Variants in GLIS3 observed in about 807,000 individuals in gnomAD.
GLIS3 encodes the protein zinc finger protein GLIS3.
Under a neutral mutation model 78.6 loss-of-function variants are expected in GLIS3, and 53 were observed. The observed-to-expected ratio is 0.67, with a 90% CI of 0.54 to 0.85. The LOEUF (loss-of-function observed/expected upper bound fraction) is 0.85, where lower values mean the gene tolerates loss of function less well. Ranked by LOEUF, GLIS3 falls within the 40% of genes least tolerant of loss-of-function variation. The pLI, the probability that GLIS3 is intolerant of heterozygous loss-of-function variation, is 0.00. For synonymous variants in GLIS3, 684 were observed against 509.9 expected (o/e 1.34, Z -4.60); for missense variants, 1,703 against 1,231.1 (o/e 1.38, Z -5.74).
At chr9:3,992,405 T>G (rs1820388510) in intron 4 of GLIS3, among the ~76,000 whole-genome samples, 2 of 152,230 alleles carry the variant, frequency 1.3e-5, no homozygotes, top group South Asian at 4.1e-4. Context: ...AGAAATGTGT[T>G]TCCTTGTTAA....
intron 4 of GLIS3, among the ~76,000 whole-genome samples, chr9:4,063,934 G>A (rs10125955): frequency 0.051 from 7,746 of 152,128 alleles, 523 homozygotes; most frequent in East Asian, 0.23. Flanking sequence ...AAGTAAAGAA[G>A]AACAGATCAC....
At chr9:4,144,996 T>C (rs10814853) in intron 2 of GLIS3, 97,363 of 152,184 alleles carry the variant, frequency 0.64, 31,516 homozygotes, top group South Asian at 0.73. Context: ...AGTGTCCTTT[T>C]GTTTTTAACA....
upstream of GLIS3, among the ~76,000 whole-genome samples, chr9:4,304,790 G>C (rs184462709): frequency 6.6e-5 from 10 of 152,300 alleles, no homozygotes; most frequent in East Asian, 1.9e-3. Flanking sequence ...AAATATACCT[G>C]CAAAGGGGTT....
chr9:4,053,991 A>C (rs866317212), intron 4 of GLIS3, among the ~76,000 whole-genome samples: 1 of 152,274 alleles, frequency 6.6e-6, no homozygotes, highest in African/African-American at 2.4e-5. Context: ...CTTCAAGGTC[A>C]AAACAAAAAG....
At chr9:4,436,834 A>AAAG in the GLIS3 span, among the ~76,000 whole-genome samples, 1 of 151,116 alleles carries the variant, frequency 6.6e-6, no homozygotes, top group African/African-American at 2.4e-5. Flanking sequence ...AAAAAAAAAA[A>AAAG]AAGAGATAGA....
At chr9:4,078,901 T>G (rs1159367166) in intron 4 of GLIS3, among the ~76,000 whole-genome samples, 1 of 151,958 alleles carries the variant, frequency 6.6e-6, no homozygotes, top group Non-Finnish European at 1.5e-5. Flanking sequence ...CTCCCCTCTG[T>G]CCCCCGCCCC....
the GLIS3 span, among the ~76,000 whole-genome samples, chr9:4,368,761 GATAGTAGC>G: frequency 6.6e-6 from 1 of 152,178 alleles, no homozygotes. Context: ...AGAAGAGGAG[GATAGTAGC>G]ATGCACTGGA....
At chr9:4,050,571 A>G (rs913040233) in intron 4 of GLIS3, among the ~76,000 whole-genome samples, 1 of 152,194 alleles carries the variant, frequency 6.6e-6, no homozygotes, top group Non-Finnish European at 1.5e-5. Context: ...GCTTGTGCAC[A>G]TGTACTCTAG....
the GLIS3 span, among the ~76,000 whole-genome samples, chr9:4,355,082 G>T: frequency 6.7e-6 from 1 of 148,528 alleles, no homozygotes; most frequent in African/African-American, 2.5e-5. Flanking sequence ...AGTGAGCCGA[G>T]ATCACACCAC....
chr9:4,358,664 G>A, the GLIS3 span, among the ~76,000 whole-genome samples: 1 of 152,064 alleles, frequency 6.6e-6, no homozygotes, highest in Non-Finnish European at 1.5e-5. Context: ...GCCTTGGCAT[G>A]CCTTGTACAG....
rs560254050 is a variant in GLIS3, at chr9:4,299,698, C to G, written c.-376G>C. ...GAGGCAGAGGCGGGGTGGCTGGACC[C>G]TCGGCATCAGCTCATTCTCCCCTGC... On this transcript the variant is annotated 5_prime_UTR_variant, in exon 1 of 11. Coordinates refer to ENST00000381971, the MANE Select transcript of GLIS3 (RefSeq NM_001042413.2). 89 of 152,618 alleles carry G rather than the reference C, an allele frequency of 5.8e-4. No individual in the cohort carries two copies. The highest frequency in any genetic ancestry group is 2.1e-3 in the African/African-American group (88 of 41,586). 9.5% of individuals were successfully genotyped at this position (152,618 alleles called of 1,614,324 possible).
chr9:4,157,498 G>A (rs1368064138), intron 2 of GLIS3, among the ~76,000 whole-genome samples: 2 of 152,168 alleles, frequency 1.3e-5, no homozygotes, highest in East Asian at 3.8e-4. Flanking sequence ...GAAGGAGGAA[G>A]ATGCATATTT....
intron 4 of GLIS3, among the ~76,000 whole-genome samples, chr9:4,065,316 T>C (rs1241004395): frequency 2.0e-5 from 3 of 152,288 alleles, no homozygotes; most frequent in East Asian, 3.9e-4. Flanking sequence ...GAACAAAGGA[T>C]GATTCAAGAG....
At chr9:4,338,628 C>G (rs563035528) in intron 2 of GLIS3, among the ~76,000 whole-genome samples, 1 of 152,210 alleles carries the variant, frequency 6.6e-6, no homozygotes, top group Non-Finnish European at 1.5e-5. Context: ...TGTTCACAGG[C>G]ATTGTTCTGC....
intron 7 of GLIS3, 110 bp from the exon 8 acceptor site, chr9:3,879,705 T>A: frequency 9.0e-7 from 1 of 1,114,042 alleles, no homozygotes; most frequent in Non-Finnish European, 1.3e-6. Context: ...TGTTTTTCTC[T>A]CAGTGGTTTT....
chr9:4,351,178 G>A (rs1213115311), upstream of GLIS3, among the ~76,000 whole-genome samples: 5 of 152,110 alleles, frequency 3.3e-5, no homozygotes, highest in Non-Finnish European at 5.9e-5. Flanking sequence ...AGGAGGTGGA[G>A]GTTGCAGTGA....
At chr9:3,932,249 G>C in intron 6 of GLIS3, 111 bp downstream of exon 6, 3 of 811,352 alleles carry the variant, frequency 3.7e-6, no homozygotes, top group Non-Finnish European at 6.4e-6. Flanking sequence ...GTCTAAAGCA[G>C]GTTATACCAT....
the GLIS3 span, among the ~76,000 whole-genome samples, chr9:4,446,012 T>C: frequency 7.2e-5 from 11 of 152,346 alleles, no homozygotes; most frequent in East Asian, 9.6e-4. Context: ...TTTTAATATA[T>C]GAAATCTCCC....
chr9:4,477,508 A>C, the GLIS3 span, among the ~76,000 whole-genome samples: 1 of 151,966 alleles, frequency 6.6e-6, no homozygotes, highest in Non-Finnish European at 1.5e-5. Flanking sequence ...TCAACCTCCC[A>C]GGCTCAAGTG....
Sources: gnomAD v4.1 joint callset for allele counts (sites outside exome capture counted in the v4.1 genomes callset) on GRCh38, gnomAD v4.1.1 for gene constraint, MANE v1.5 for transcripts, NCBI Gene and HGNC (gene_info 2026-07-23, HGNC 2026-07-21) for gene names.